The following AGFG1 variants were observed in gnomAD, a reference collection of about 807,000 sequenced individuals.
The protein encoded by AGFG1 is ArfGAP with FG repeats 1, also known as arf-GAP domain and FG repeat-containing protein 1.
In AGFG1, 10 loss-of-function variants were observed where a neutral mutation model predicts 60.6. The ratio of observed to expected loss-of-function variants is 0.16; its 90% CI spans 0.10 to 0.28. AGFG1 has a LOEUF of 0.28. AGFG1 is among the 10% of genes least tolerant of loss of function. AGFG1 has a pLI of 1.00. For missense variants in AGFG1, 537 were observed against 676.5 expected (o/e 0.79, Z 2.29); for synonymous variants, 247 against 242.9 (o/e 1.02, Z -0.16).
At chr2:227,523,272 C>G (rs981958150) in intron 3 of AGFG1, among the ~76,000 whole-genome samples, 1 of 152,146 alleles carries the variant, frequency 6.6e-6, no homozygotes, top group Non-Finnish European at 1.5e-5. Flanking sequence ...TGAATTGCTT[C>G]TTTTGTTCAT....
At chr2:227,511,753 A>C (rs1173585864) in intron 2 of AGFG1, among the ~76,000 whole-genome samples, 2 of 152,234 alleles carry the variant, frequency 1.3e-5, no homozygotes. Flanking sequence ...CAAGCATACA[A>C]ATAGTGTTGA....
chr2:227,505,069 T>G (rs984747054), intron 2 of AGFG1, among the ~76,000 whole-genome samples: 3 of 152,230 alleles, frequency 2.0e-5, no homozygotes, highest in African/African-American at 7.2e-5. Context: ...AATACATCAT[T>G]TTTTGCTGCA....
intron 5 of AGFG1, 66 bp from the exon 6 acceptor site, chr2:227,531,025 T>C (rs1014609088): frequency 1.4e-6 from 2 of 1,386,340 alleles, no homozygotes; most frequent in Non-Finnish European, 9.8e-7. Flanking sequence ...CTTAAACTCA[T>C]GTGTCATGTA....
intron 2 of AGFG1, among the ~76,000 whole-genome samples, chr2:227,506,697 G>A (rs186181649): frequency 2.0e-5 from 3 of 152,120 alleles, no homozygotes; most frequent in Non-Finnish European, 1.5e-5. Flanking sequence ...GAGAGTTGGG[G>A]TTTTAACCTG....
chr2:227,477,596 ACTTTTT>A (rs937103170), intron 1 of AGFG1, among the ~76,000 whole-genome samples: 4 of 151,982 alleles, frequency 2.6e-5, no homozygotes, highest in African/African-American at 9.7e-5. Context: ...CAGAAAAAAG[ACTTTTT>A]CTTTTTTTTG....
chr2:227,498,849 T>A (rs928448514), intron 2 of AGFG1, among the ~76,000 whole-genome samples: 6 of 152,230 alleles, frequency 3.9e-5, no homozygotes, highest in African/African-American at 1.2e-4. Flanking sequence ...GCTGTTTGCC[T>A]TACCATTCTA....
At position 227,524,830 on chromosome 2, in the gene AGFG1, C is replaced by T. The variant is rs775966354; in HGVS notation, c.609C>T (p.Leu203=). 4.2e-5 allele frequency: 68 copies of T among 1,614,020 alleles called. No homozygotes were observed. Among genetic ancestry groups the T allele is most frequent in the Middle Eastern group, 1.6e-4 (1 of 6,084 alleles). The change falls in exon 5 of 13, where the codon CTC becomes CTT. Residue 203 remains leucine (L), a synonymous_variant. Coordinates refer to ENST00000310078, the MANE Select transcript of AGFG1 (RefSeq NM_004504.5). ...AGCAATTTGACCTTTTAAGTGATCTCGGCTCAGACATCTTTGCTGCTCCAG... is the reference window on the plus strand; with the variant it reads ...AGCAATTTGACCTTTTAAGTGATCTTGGCTCAGACATCTTTGCTGCTCCAG... The part of the protein sequence containing the change: ...EKKQFDLLSD[L]GSDIFAAPAP...
Position 227,519,938 on chromosome 2 carries a change from C to T in AGFG1, c.262-10C>T. 2 of 1,519,522 alleles carry T rather than the reference C, an allele frequency of 1.3e-6. No individual in the cohort carries two copies. Among genetic ancestry groups the T allele is most frequent in the East Asian group, 2.4e-5 (1 of 41,804 alleles). The allele number at this position is 1,519,522 out of a possible 1,614,324, so 94.1% of individuals were successfully genotyped here. On this transcript the variant is annotated splice_polypyrimidine_tract_variant and intron_variant, in intron 2 of 12. Transcript: ENST00000310078. ...GAATTTAACATATATTTTTTTAATT[C>T]TTTCCAAAGGTCTGTAAACAGATTT...
At chr2:227,472,937 C>G (rs1690150137) in intron 1 of AGFG1, among the ~76,000 whole-genome samples, 1 of 148,364 alleles carries the variant, frequency 6.7e-6, no homozygotes, top group African/African-American at 2.5e-5. Context: ...CGCTCTCCAG[C>G]TACCCGGGGC....
intron 2 of AGFG1, among the ~76,000 whole-genome samples, chr2:227,493,641 A>G (rs1413179186): frequency 6.6e-6 from 1 of 152,230 alleles, no homozygotes; most frequent in East Asian, 1.9e-4. Flanking sequence ...AAGTCCTACA[A>G]AGAGGTTTGC....
intron 4 of AGFG1, 81 bp downstream of exon 4, chr2:227,524,006 G>A (rs1691903289): frequency 7.3e-7 from 1 of 1,365,650 alleles, no homozygotes; most frequent in Admixed American, 1.9e-5. Flanking sequence ...GTTTAAGACA[G>A]CAGCATAATC....
chr2:227,507,709 A>G (rs1033231434), intron 2 of AGFG1, among the ~76,000 whole-genome samples: 4 of 148,912 alleles, frequency 2.7e-5, no homozygotes, highest in Non-Finnish European at 5.9e-5. Flanking sequence ...CAATAGTTTT[A>G]TTCTTCTTTT....
intron 1 of AGFG1, among the ~76,000 whole-genome samples, chr2:227,473,081 G>A (rs1183052754): frequency 6.6e-6 from 1 of 151,648 alleles, no homozygotes; most frequent in Non-Finnish European, 1.5e-5. Context: ...GCTCCTGCTG[G>A]GGGTCGGGGA....
chr2:227,524,842 C>T lies in AGFG1; in HGVS notation c.621C>T (p.Ile207=), dbSNP rs751014599. The change falls in exon 5 of 13, where the codon ATC becomes ATT. Residue 207 remains isoleucine (I), a synonymous_variant. Coordinates refer to ENST00000310078, the MANE Select transcript of AGFG1 (RefSeq NM_004504.5). ...TTTTAAGTGATCTCGGCTCAGACATCTTTGCTGCTCCAGCTCCTCAGTCAA... is the reference window on the plus strand; with the variant it reads ...TTTTAAGTGATCTCGGCTCAGACATTTTTGCTGCTCCAGCTCCTCAGTCAA... ...FDLLSDLGSD[I]FAAPAPQSTA... 5.0e-6 allele frequency: 8 copies of T among 1,614,040 alleles called. No homozygotes were observed. The highest frequency in any genetic ancestry group is 1.7e-6 in the Non-Finnish European group (2 of 1,180,008).
chr2:227,513,645 G>A (rs1470231953), intron 2 of AGFG1, among the ~76,000 whole-genome samples: 1 of 152,150 alleles, frequency 6.6e-6, no homozygotes, highest in Non-Finnish European at 1.5e-5. Flanking sequence ...CTTCGTAACA[G>A]TCTCCTTATT....
At chr2:227,538,220 C>T (rs900160624) in intron 10 of AGFG1, among the ~76,000 whole-genome samples, 2 of 152,116 alleles carry the variant, frequency 1.3e-5, no homozygotes, top group African/African-American at 4.8e-5. Context: ...CTCATTTAAT[C>T]CACTCAGCTG....
At chr2:227,488,296 A>G (rs1460731113) in intron 1 of AGFG1, among the ~76,000 whole-genome samples, 2 of 152,238 alleles carry the variant, frequency 1.3e-5, no homozygotes, top group Non-Finnish European at 2.9e-5. Context: ...GGATATATTT[A>G]CACACTGTAC....
At chr2:227,477,006 A>G (rs546549109) in intron 1 of AGFG1, among the ~76,000 whole-genome samples, 13 of 149,956 alleles carry the variant, frequency 8.7e-5, no homozygotes, top group Admixed American at 2.0e-4. Context: ...GGTTCAAGCC[A>G]TTCTCCTGCC....
intron 1 of AGFG1, among the ~76,000 whole-genome samples, chr2:227,485,503 T>C (rs539475065): frequency 2.0e-5 from 3 of 151,854 alleles, no homozygotes; most frequent in Non-Finnish European, 4.4e-5. Context: ...CCCAAAGTAC[T>C]GGGATTACAG....
Sources: gnomAD v4.1 joint callset for allele counts (sites outside exome capture counted in the v4.1 genomes callset) on GRCh38, gnomAD v4.1.1 for gene constraint, MANE v1.5 for transcripts, NCBI Gene and HGNC (gene_info 2026-07-23, HGNC 2026-07-21) for gene names.